EYS: variants seen among roughly 807,000 people sequenced by gnomAD.
EYS encodes the protein protein eyes shut homolog.
A neutral mutation model predicts 282.1 loss-of-function variants in EYS; 250 were observed. That is an observed-to-expected ratio of 0.89 (90% CI 0.80 to 0.98). The LOEUF (loss-of-function observed/expected upper bound fraction) is 0.98, where lower values mean the gene tolerates loss of function less well. Among genes scored for constraint, EYS ranks in the 50% least tolerant of loss-of-function variants. The pLI is 0.00. For missense variants in EYS, 4,016 were observed against 3,709.0 expected (o/e 1.08, Z -2.15); for synonymous variants, 1,355 against 1,282.9 (o/e 1.06, Z -1.20).
intron 5 of EYS, among the ~76,000 whole-genome samples, chr6:65,428,973 G>A (rs1192130166): frequency 1.3e-5 from 2 of 151,774 alleles, no homozygotes; most frequent in Non-Finnish European, 2.9e-5. Flanking sequence ...ACCTGAGGTC[G>A]GGAGTTCGAG....
intron 35 of EYS, among the ~76,000 whole-genome samples, chr6:63,877,401 T>A (rs998862313): frequency 2.6e-5 from 4 of 152,264 alleles, no homozygotes; most frequent in Middle Eastern, 3.4e-3. Flanking sequence ...CCGCCCTTAA[T>A]GTTTTTTTCC....
intron 1 of EYS, among the ~76,000 whole-genome samples, chr6:65,685,805 T>C (rs1350383692): frequency 6.6e-6 from 1 of 152,092 alleles, no homozygotes. Flanking sequence ...ATTCACATTC[T>C]AGAAGGTACA....
chr6:64,694,701 G>A (rs554385805), intron 22 of EYS, among the ~76,000 whole-genome samples: 1 of 152,306 alleles, frequency 6.6e-6, no homozygotes, highest in South Asian at 2.1e-4. Flanking sequence ...TTCATAACTA[G>A]AACTGAGAGG....
chr6:65,486,492 C>A (rs990367570), intron 5 of EYS, among the ~76,000 whole-genome samples: 6 of 152,114 alleles, frequency 3.9e-5, no homozygotes, highest in African/African-American at 1.4e-4. Flanking sequence ...CCAAAGAAAT[C>A]AGTTTTTGAA....
chr6:65,295,781 A>T, intron 12 of EYS, 82 bp downstream of exon 12: 4 of 1,158,292 alleles, frequency 3.5e-6, no homozygotes, highest in Non-Finnish European at 4.8e-6. Context: ...CACATTTGAG[A>T]TATATTTGAG....
intron 19 of EYS, among the ~76,000 whole-genome samples, chr6:64,833,858 A>T (rs1486972353): frequency 6.6e-6 from 1 of 151,952 alleles, no homozygotes; most frequent in Non-Finnish European, 1.5e-5. Context: ...CTTTTACAGA[A>T]TCCTGGGGCT....
chr6:64,271,107 AT>A (rs1767928664), intron 30 of EYS, among the ~76,000 whole-genome samples: 1 of 152,226 alleles, frequency 6.6e-6, no homozygotes, highest in Non-Finnish European at 1.5e-5. Context: ...GTTATGAACA[AT>A]TACTTTATAA....
intron 35 of EYS, among the ~76,000 whole-genome samples, chr6:63,882,544 G>A (rs1285798000): frequency 6.6e-6 from 1 of 152,114 alleles, no homozygotes; most frequent in African/African-American, 2.4e-5. Flanking sequence ...GCACTGCTAG[G>A]CACTGTACAA....
intron 12 of EYS, among the ~76,000 whole-genome samples, chr6:65,232,906 G>A (rs1026411475): frequency 3.3e-5 from 5 of 152,034 alleles, no homozygotes; most frequent in African/African-American, 1.2e-4. Context: ...TATAGATACT[G>A]TGACTTTTTC....
chr6:64,457,383 C>T (rs1775589436), intron 26 of EYS, among the ~76,000 whole-genome samples: 1 of 151,876 alleles, frequency 6.6e-6, no homozygotes, highest in Admixed American at 6.6e-5. Context: ...GGTCCATTTG[C>T]TCTAGAATAC....
intron 26 of EYS, among the ~76,000 whole-genome samples, chr6:64,503,691 T>C (rs181619091): frequency 6.6e-6 from 1 of 152,270 alleles, no homozygotes; most frequent in Non-Finnish European, 1.5e-5. Flanking sequence ...ACCAAGAGAA[T>C]GGCCTTGACT....
intron 31 of EYS, among the ~76,000 whole-genome samples, chr6:64,086,220 A>G (rs1772153243): frequency 6.6e-6 from 1 of 152,144 alleles, no homozygotes; most frequent in Non-Finnish European, 1.5e-5. Context: ...TTCCCAAACT[A>G]GTTGCTAGAT....
intron 29 of EYS, among the ~76,000 whole-genome samples, chr6:64,330,498 A>T (rs1404661864): frequency 2.0e-5 from 3 of 152,226 alleles, no homozygotes; most frequent in Non-Finnish European, 4.4e-5. Flanking sequence ...AGGTCCCAGC[A>T]TTGGAACTGC....
intron 35 of EYS, among the ~76,000 whole-genome samples, chr6:63,901,054 A>C (rs1342868684): frequency 2.6e-5 from 4 of 152,242 alleles, no homozygotes; most frequent in Non-Finnish European, 4.4e-5. Flanking sequence ...ATTATCTCTG[A>C]GTGTCCTCAG....
At chr6:64,554,481 A>G (rs1765181922) in intron 26 of EYS, among the ~76,000 whole-genome samples, 1 of 152,068 alleles carries the variant, frequency 6.6e-6, no homozygotes, top group Non-Finnish European at 1.5e-5. Flanking sequence ...ATTAATAAGT[A>G]GATAATTCCA....
chr6:63,926,895 T>G (rs2149747709), intron 35 of EYS, among the ~76,000 whole-genome samples: 1 of 152,358 alleles, frequency 6.6e-6, no homozygotes, highest in South Asian at 2.1e-4. Flanking sequence ...ATATTAATAC[T>G]CAACTCAGTA....
intron 28 of EYS, among the ~76,000 whole-genome samples, chr6:64,434,689 T>C (rs1488130968): frequency 1.3e-5 from 2 of 152,088 alleles, no homozygotes; most frequent in African/African-American, 4.8e-5. Context: ...TTATCTGTAC[T>C]TAATCTCCCT....
At position 64,302,313 on chromosome 6, in the gene EYS, TC is replaced by T. The variant is rs767915641; in HGVS notation, c.6191+4656del. Among the ~76,000 whole-genome samples, 7 of 152,150 alleles carry T rather than the reference TC, an allele frequency of 4.6e-5. 1 individual carries two copies. The highest frequency in any genetic ancestry group is 1.0e-4 in the Non-Finnish European group (7 of 68,040). On this transcript the variant is annotated intron_variant, in intron 30 of 42. Coordinates refer to ENST00000503581, the MANE Select transcript of EYS (RefSeq NM_001142800.2). ...CCCAGATTGCCAGCTCACAGGCACA[TC>T]CCCTCTTTCAACAGGTGTTAACCCT...
At chr6:65,239,732 T>G (rs920396981) in intron 12 of EYS, among the ~76,000 whole-genome samples, 4 of 152,118 alleles carry the variant, frequency 2.6e-5, no homozygotes, top group African/African-American at 7.2e-5. Flanking sequence ...TATTTATTTG[T>G]GAAAGGACAA....
Sources: gnomAD v4.1 joint callset for allele counts (sites outside exome capture counted in the v4.1 genomes callset) on GRCh38, gnomAD v4.1.1 for gene constraint, MANE v1.5 for transcripts, NCBI Gene and HGNC (gene_info 2026-07-23, HGNC 2026-07-21) for gene names.